TTC6: variants seen among roughly 807,000 people sequenced by gnomAD.
TTC6 encodes the protein tetratricopeptide repeat domain 6, also known as tetratricopeptide repeat protein 6.
In TTC6, 172 loss-of-function variants were observed where a neutral mutation model predicts 210.4. The ratio of observed to expected loss-of-function variants is 0.82; its 90% CI spans 0.72 to 0.93. The LOEUF (loss-of-function observed/expected upper bound fraction) is 0.93. Among genes scored for constraint, TTC6 ranks in the 40% least tolerant of loss-of-function variants. The pLI is 0.00. For missense variants in TTC6, 2,414 were observed against 2,318.1 expected, an observed-to-expected ratio of 1.04 and a Z score of -0.85; for synonymous variants, 804 against 819.6, an observed-to-expected ratio of 0.98 and a Z score of 0.32.
chr14:37,672,383 A>C (rs2095759975), intron 1 of TTC6, among the ~76,000 whole-genome samples: 1 of 152,148 alleles, frequency 6.6e-6, no homozygotes, highest in Non-Finnish European at 1.5e-5. Context: ...TGCTTGATTA[A>C]ATTTACTGCT....
chr14:37,740,437 A>G (rs2095915541), intron 10 of TTC6, among the ~76,000 whole-genome samples: 1 of 152,026 alleles, frequency 6.6e-6, no homozygotes, highest in Non-Finnish European at 1.5e-5. Context: ...AATTTATTAA[A>G]CTTGTGTCCT....
intron 10 of TTC6, among the ~76,000 whole-genome samples, chr14:37,740,185 A>C (rs965141418): frequency 2.0e-5 from 3 of 150,220 alleles, no homozygotes; most frequent in African/African-American, 7.3e-5. Context: ...AAAGTAAATA[A>C]TTTTTTTAAT....
Position 37,715,199 on chromosome 14 carries a change from T to G in TTC6, c.1713+403T>G, listed in dbSNP as rs986741582. Among the ~76,000 whole-genome samples the G allele has an allele frequency of 5.3e-5, 8 of 152,182 alleles. No individual in the cohort carries two copies. In the South Asian group the frequency reaches 1.7e-3, roughly 32 times the overall value. On this transcript the variant is annotated intron_variant, in intron 6 of 30. Transcript: ENST00000553443. ...AAAAAATTATTGAAGACCTCAATAA[T>G]TTTTTATGTGAGTTATATCTATTAA...
chr14:37,722,460 A>T (rs2095863762), intron 6 of TTC6, among the ~76,000 whole-genome samples: 1 of 152,104 alleles, frequency 6.6e-6, no homozygotes, highest in Non-Finnish European at 1.5e-5. Flanking sequence ...TGATCCTCCC[A>T]CTTCAGCCTC....
At chr14:37,602,146 G>C (rs950034554) in intron 1 of TTC6, among the ~76,000 whole-genome samples, 5 of 152,256 alleles carry the variant, frequency 3.3e-5, no homozygotes, top group African/African-American at 9.6e-5. Context: ...CCGCAGGGCA[G>C]GTTTGCGCAC....
intron 1 of TTC6, among the ~76,000 whole-genome samples, chr14:37,657,404 T>A (rs190041030): frequency 1.3e-5 from 2 of 151,264 alleles, no homozygotes; most frequent in East Asian, 3.9e-4. Flanking sequence ...ATCTTTCTTA[T>A]CTTCCTGTGC....
intron 7 of TTC6, among the ~76,000 whole-genome samples, chr14:37,730,619 A>T (rs1418571043): frequency 1.3e-5 from 2 of 151,896 alleles, no homozygotes; most frequent in South Asian, 2.1e-4. Flanking sequence ...TGTTTTCCTT[A>T]TTATATTTTT....
At chr14:37,823,348 A>G (rs1296665005) in intron 26 of TTC6, among the ~76,000 whole-genome samples, 1 of 152,224 alleles carries the variant, frequency 6.6e-6, no homozygotes. Flanking sequence ...AATATTAAAT[A>G]CATATAAATA....
chr14:37,823,982 T>C, intron 27 of TTC6, 25 bp downstream of exon 29: 1 of 1,599,900 alleles, frequency 6.3e-7, no homozygotes, highest in Non-Finnish European at 8.6e-7. Flanking sequence ...TTTTGAGCAT[T>C]AAAAGCATGT....
chr14:37,807,479 T>G lies in TTC6; in HGVS notation c.4455+19T>G. ...CAACAAGGTAGGGCCATTTCCTGCC[T>G]GGTTTACCGAAATTTTAGGGTGGGC... On this transcript the variant is annotated intron_variant, in intron 23 of 30. Transcript: ENST00000553443. The G allele has an allele frequency of 1.4e-6, 2 of 1,448,790 alleles. No homozygotes were observed. The highest frequency in any genetic ancestry group is 1.8e-4 in the Middle Eastern group (1 of 5,602). The allele number at this position is 1,448,790 out of a possible 1,614,324, so 89.7% of individuals were successfully genotyped here.
At chr14:37,825,396 C>G (rs1305077520) in intron 27 of TTC6, among the ~76,000 whole-genome samples, 2 of 152,032 alleles carry the variant, frequency 1.3e-5, no homozygotes, top group African/African-American at 4.8e-5. Context: ...TTTCTTTTTA[C>G]TTTTATATGA....
intron 6 of TTC6, among the ~76,000 whole-genome samples, chr14:37,723,796 A>G (rs2095866390): frequency 6.6e-6 from 1 of 152,136 alleles, no homozygotes; most frequent in East Asian, 1.9e-4. Context: ...AGATTGTTTT[A>G]TGACATTCTG....
chr14:37,636,380 G>T (rs1439478704), intron 1 of TTC6, among the ~76,000 whole-genome samples: 19 of 152,120 alleles, frequency 1.2e-4, no homozygotes, highest in Admixed American at 1.2e-3. Context: ...GCCATAAAAT[G>T]AACCTTAATA....
intron 6 of TTC6, among the ~76,000 whole-genome samples, chr14:37,721,318 C>T (rs1428852731): frequency 6.6e-6 from 1 of 152,060 alleles, no homozygotes; most frequent in Non-Finnish European, 1.5e-5. Flanking sequence ...AAATACTCTT[C>T]AGTTATTTAA....
intron 14 of TTC6, among the ~76,000 whole-genome samples, chr14:37,763,913 T>C (rs2139123248): frequency 6.6e-6 from 1 of 152,090 alleles, no homozygotes; most frequent in South Asian, 2.1e-4. Flanking sequence ...TTGAGATCTT[T>C]CTTCTTATTT....
chr14:37,623,098 G>C (rs780264787), intron 1 of TTC6, 95 bp downstream of exon 3: 13 of 865,964 alleles, frequency 1.5e-5, no homozygotes, highest in Non-Finnish European at 2.0e-5. Flanking sequence ...ATATTTCAGT[G>C]CATAAGGTGT....
intron 7 of TTC6, among the ~76,000 whole-genome samples, chr14:37,730,155 G>A (rs1458703485): frequency 2.6e-5 from 4 of 152,158 alleles, no homozygotes; most frequent in Non-Finnish European, 5.9e-5. Context: ...AATGGGAAAT[G>A]ATATTTAGAT....
At chr14:37,718,200 G>A (rs1319970520) in intron 6 of TTC6, among the ~76,000 whole-genome samples, 4 of 152,146 alleles carry the variant, frequency 2.6e-5, no homozygotes, top group Admixed American at 6.5e-5. Context: ...TTAAAAATAC[G>A]TAAAAAGAAT....
intron 1 of TTC6, among the ~76,000 whole-genome samples, chr14:37,662,386 C>G (rs1421912726): frequency 6.6e-6 from 1 of 152,020 alleles, no homozygotes; most frequent in Non-Finnish European, 1.5e-5. Context: ...TATTTAAGGC[C>G]TTTTCTGCGT....
Sources: gnomAD v4.1 joint callset for allele counts (sites outside exome capture counted in the v4.1 genomes callset) on GRCh38, gnomAD v4.1.1 for gene constraint, MANE v1.5 for transcripts, NCBI Gene and HGNC (gene_info 2026-07-23, HGNC 2026-07-21) for gene names.